Variants in RRN3 observed in about 807,000 individuals in gnomAD.
The protein encoded by RRN3 is RNA polymerase I-specific transcription initiation factor RRN3.
A neutral mutation model predicts 82.3 loss-of-function variants in RRN3; 38 were observed. The ratio of observed to expected loss-of-function variants is 0.46; its 90% CI spans 0.36 to 0.61. RRN3 has a LOEUF of 0.61. RRN3 is among the 20% of genes least tolerant of loss of function. The pLI, the probability that RRN3 is intolerant of heterozygous loss-of-function variation, is 0.00. For synonymous variants in RRN3, 284 were observed against 284.3 expected (o/e 1.00, Z 0.01); for missense variants, 726 against 793.1 (o/e 0.92, Z 1.02).
At chr16:15,091,207 G>GAC in intron 3 of RRN3, 108 bp downstream of exon 3, 1 of 1,346,036 alleles carries the variant, frequency 7.4e-7, no homozygotes, top group Non-Finnish European at 1.0e-6. Flanking sequence ...AATAAGGGAG[G>GAC]ACCATGGAGA....
intron 12 of RRN3, among the ~76,000 whole-genome samples, chr16:15,071,737 C>T (rs2045239602): frequency 6.6e-6 from 1 of 152,180 alleles, no homozygotes; most frequent in Non-Finnish European, 1.5e-5. Flanking sequence ...CACTACACTC[C>T]AGCCTGGGTG....
intron 5 of RRN3, 111 bp downstream of exon 5, chr16:15,086,018 C>T: frequency 6.5e-6 from 5 of 765,826 alleles, no homozygotes; most frequent in Middle Eastern, 2.4e-4. Context: ...AGACCTGGTG[C>T]CAATATGCAT....
chr16:15,077,572 T>G (rs757669308), intron 9 of RRN3, among the ~76,000 whole-genome samples: 12 of 152,208 alleles, frequency 7.9e-5, no homozygotes, highest in East Asian at 1.9e-4. Flanking sequence ...CCAGGTGCAG[T>G]GGCTCACGCC....
In RRN3 at chr16:15,060,605, G is replaced by C. The variant is rs2044676155; in HGVS notation, c.*1139C>G. On this transcript the variant is annotated 3_prime_UTR_variant, in exon 18 of 18. Coordinates refer to ENST00000198767, the MANE Select transcript of RRN3 (RefSeq NM_018427.5). ...TAAGAAACAAAGTGAAAATGCTTGAGCTTCAAAATGACTCTAGCAGTGTTT... is the reference window on the plus strand; with the variant it reads ...TAAGAAACAAAGTGAAAATGCTTGACCTTCAAAATGACTCTAGCAGTGTTT... 6.5e-6 allele frequency: 1 copy of C among 153,080 alleles called. No individual in the cohort carries two copies. The highest frequency in any genetic ancestry group is 2.4e-5 in the African/African-American group (1 of 41,450). The allele number at this position is 153,080 out of a possible 1,614,324, so 9.5% of individuals were successfully genotyped here. A position where few individuals can be genotyped will look rare whatever the true frequency, so the allele number is the denominator to read the frequency against.
rs773558358 is a variant in RRN3 at position 15,086,443 on chromosome 16, G to A, written c.264C>T (p.Ile88=). 1.2e-6 allele frequency: 2 copies of A among 1,612,244 alleles called. No individual in the cohort carries two copies. Among genetic ancestry groups the A allele is most frequent in the Admixed American group, 3.4e-5 (2 of 59,470 alleles). The change falls in exon 4 of 18, where the codon ATC becomes ATT. Residue 88 remains isoleucine, a synonymous_variant. Coordinates refer to ENST00000198767, the MANE Select transcript of RRN3 (RefSeq NM_018427.5). ...AACGGAATTCTAGCAGCCAGTTGATGATCTGGTCATCCTTAAGTTAAACAA... is the reference window on the plus strand; with the variant it reads ...AACGGAATTCTAGCAGCCAGTTGATAATCTGGTCATCCTTAAGTTAAACAA... ...LLDPDIKDDQ[I]INWLLEFRSS...
intron 9 of RRN3, among the ~76,000 whole-genome samples, chr16:15,077,747 A>G (rs1406048531): frequency 6.6e-6 from 1 of 152,230 alleles, no homozygotes; most frequent in Non-Finnish European, 1.5e-5. Context: ...AGGCTGAGGC[A>G]GGAGAACTGC....
intron 11 of RRN3, among the ~76,000 whole-genome samples, chr16:15,074,415 A>G (rs571492132): frequency 6.6e-6 from 1 of 152,312 alleles, no homozygotes; most frequent in African/African-American, 2.4e-5. Flanking sequence ...TGCACCCTAC[A>G]TCATTCTTCA....
Position 15,086,298 on chromosome 16 carries a change from A to T in RRN3, c.343-40T>A, listed in dbSNP as rs1487935624. On this transcript the variant is annotated intron_variant, in intron 4 of 17. Transcript: ENST00000198767. ...GAAAGATAAAAGCAGCATGTTATTA[A>T]TATAACATATACTATTACCAAAGTT... is the stretch of plus-strand genomic sequence containing the variant. 2.5e-6 allele frequency: 4 copies of T among 1,580,910 alleles called. No homozygotes were observed. In the African/African-American group the frequency reaches 5.4e-5, roughly 21 times the overall value.
At chr16:15,067,240 G>T (rs554038979) in intron 15 of RRN3, among the ~76,000 whole-genome samples, 1 of 151,578 alleles carries the variant, frequency 6.6e-6, no homozygotes, top group African/African-American at 2.4e-5. Flanking sequence ...GCTATGATCC[G>T]GCCTAAATAT....
In RRN3 at chr16:15,094,165, C is replaced by G. The variant is rs762546448; in HGVS notation, c.69G>C (p.Lys23Asn). The change falls in exon 1 of 18, where the codon AAG becomes AAC. Residue 23 changes from lysine to asparagine, a missense_variant. Lys to Asn is a moderately conservative substitution (Grantham distance 94). Around this residue, in one of 4 missense-constraint regions of RRN3, gnomAD observed 135 missense variants for 87.4 expected, o/e 1.55. Coordinates refer to ENST00000198767, the MANE Select transcript of RRN3 (RefSeq NM_018427.5). ...DAAASSSAVK[K>N]LGASRTGISN... ...CTTACCCAGTCCTCGACGCGCCCAGCTTCTTAACTGCAGAGGACGAAGCGG... is the reference window on the plus strand; with the variant it reads ...CTTACCCAGTCCTCGACGCGCCCAGGTTCTTAACTGCAGAGGACGAAGCGG... The G allele has an allele frequency of 6.2e-7, 1 of 1,601,718 alleles. No homozygotes were observed. The highest frequency in any genetic ancestry group is 1.3e-5 in the African/African-American group (1 of 74,830).
At chr16:15,083,127 T>C (rs1332589567) in intron 8 of RRN3, among the ~76,000 whole-genome samples, 1 of 152,188 alleles carries the variant, frequency 6.6e-6, no homozygotes, top group Non-Finnish European at 1.5e-5. Flanking sequence ...TAACATTAGC[T>C]GGGCACAGTG....
intron 3 of RRN3, among the ~76,000 whole-genome samples, chr16:15,088,751 G>T (rs935116202): frequency 2.0e-5 from 3 of 152,138 alleles, no homozygotes; most frequent in African/African-American, 7.2e-5. Flanking sequence ...AGTATGGCAG[G>T]CATGTATAGT....
intron 11 of RRN3, among the ~76,000 whole-genome samples, chr16:15,073,938 T>C (rs2045345084): frequency 1.3e-5 from 2 of 152,162 alleles, no homozygotes; most frequent in African/African-American, 4.8e-5. Flanking sequence ...AAAATGTTTA[T>C]CTTCAGCATC....
Position 15,073,087 on chromosome 16 carries a change from A to C in RRN3, c.998-7T>G. 2 of 1,603,152 alleles carry C rather than the reference A, an allele frequency of 1.2e-6. No individual in the cohort carries two copies. The highest frequency in any genetic ancestry group is 4.5e-5 in the East Asian group (2 of 44,778). On this transcript the variant is annotated splice_region_variant and splice_polypyrimidine_tract_variant and intron_variant, in intron 11 of 17. Coordinates refer to ENST00000198767, the MANE Select transcript of RRN3 (RefSeq NM_018427.5). ...TTGCCGTTATCAACCTTACCTATGG[A>C]GAAAATCTGGCATCTCAGTTTTTAT...
intron 3 of RRN3, among the ~76,000 whole-genome samples, chr16:15,089,059 T>C (rs2046017329): frequency 6.6e-6 from 1 of 151,992 alleles, no homozygotes. Context: ...TCCCAGCACT[T>C]TGGGAGGCTG....
intron 9 of RRN3, 43 bp downstream of exon 9, chr16:15,079,955 C>G: frequency 1.3e-6 from 2 of 1,530,420 alleles, no homozygotes; most frequent in Non-Finnish European, 1.8e-6. Flanking sequence ...ATAACAAATT[C>G]AAGTCAGTAA....
chr16:15,093,591 C>T (rs755390793), intron 1 of RRN3, among the ~76,000 whole-genome samples: 38 of 152,130 alleles, frequency 2.5e-4, no homozygotes, highest in Non-Finnish European at 4.4e-4. Flanking sequence ...AATTGTTTTA[C>T]AAGGTTTGCT....
Position 15,063,274 on chromosome 16 carries a change from T to C in RRN3, c.1716A>G (p.Lys572=), listed in dbSNP as rs1160594053. 1 of 1,610,254 alleles carries C rather than the reference T, an allele frequency of 6.2e-7. No individual in the cohort carries two copies. Among genetic ancestry groups the C allele is most frequent in the African/African-American group, 1.3e-5 (1 of 74,974 alleles). ...FDPCVLKRSK[K]FIDPIYQVWE... is the part of the protein sequence containing the mutation. ...ACACCTGATAAATAGGATCAATGAA[T>C]TTCTTTGACCTGTCAACAAAGATCA... Residue 572 remains lysine (K), a synonymous_variant, in exon 17 of 18, where the codon AAA becomes AAG. Coordinates refer to ENST00000198767, the MANE Select transcript of RRN3 (RefSeq NM_018427.5).
At chr16:15,085,593 T>C (rs766861694) in intron 6 of RRN3, 46 bp downstream of exon 6, 2 of 1,599,084 alleles carry the variant, frequency 1.3e-6, no homozygotes, top group African/African-American at 1.3e-5. Flanking sequence ...GCTGGGATTA[T>C]GGGTGAAAGC....
Sources: gnomAD v4.1 joint callset for allele counts (sites outside exome capture counted in the v4.1 genomes callset) on GRCh38, gnomAD v4.1.1 for gene constraint, gnomAD v4.1.1 regional missense constraint, MANE v1.5 for transcripts, NCBI Gene and HGNC (gene_info 2026-07-23, HGNC 2026-07-21) for gene names.